The following RALGAPA1 variants were observed in gnomAD, a reference collection of about 807,000 sequenced individuals.
RALGAPA1 encodes the protein Ral GTPase activating protein catalytic subunit alpha 1, also known as ral GTPase-activating protein subunit alpha-1.
RALGAPA1 carries 52 observed loss-of-function variants against 269.6 expected under a neutral mutation model. That is an observed-to-expected ratio of 0.19 (90% CI 0.15 to 0.24). The LOEUF is 0.24. RALGAPA1 is among the 10% of genes least tolerant of loss of function. The pLI is 1.00. For missense variants in RALGAPA1, 1,917 were observed against 3,013.9 expected (o/e 0.64, Z 8.52); for synonymous variants, 817 against 1,008.3 (o/e 0.81, Z 3.60).
chr14:35,600,232 C>CTTTTTTTTTTTTTTTTTTTT (rs71124708), intron 36 of RALGAPA1, among the ~76,000 whole-genome samples: 6 of 86,948 alleles, frequency 6.9e-5, no homozygotes, highest in African/African-American at 2.6e-4. Context: ...TTCTTTTTTT[C>CTTTTTTTTTTTTTTTTTTTT]TTTTTTTTTT....
chr14:35,715,939 T>C (rs1567072314), intron 16 of RALGAPA1: 1 of 985,426 alleles, frequency 1.0e-6, no homozygotes, highest in East Asian at 1.1e-4. Flanking sequence ...TAGAGGTTTC[T>C]CTATTTGCAA....
intron 1 of RALGAPA1, among the ~76,000 whole-genome samples, chr14:35,801,244 GACACACAC>G (rs201700521): frequency 0.023 from 3,166 of 135,078 alleles, 118 homozygotes; most frequent in African/African-American, 0.078. Flanking sequence ...TATATACACA[GACACACAC>G]ACACACACAC....
chr14:35,768,369 A>C (rs910898692), intron 4 of RALGAPA1, among the ~76,000 whole-genome samples: 2 of 152,166 alleles, frequency 1.3e-5, no homozygotes, highest in South Asian at 2.1e-4. Context: ...GGCATGGGGC[A>C]TCATGCCTGC....
chr14:35,715,675 T>G (rs771136676), intron 16 of RALGAPA1: 3 of 974,512 alleles, frequency 3.1e-6, no homozygotes, highest in Non-Finnish European at 3.7e-6. Context: ...AATTTGTGTT[T>G]GCTTGTACAA....
At chr14:35,715,717 C>G in intron 16 of RALGAPA1, 1 of 985,252 alleles carries the variant, frequency 1.0e-6, no homozygotes. Flanking sequence ...CTGAAATTAA[C>G]TTGTATCCTT....
At chr14:35,742,257 A>G (rs2071628046) in intron 11 of RALGAPA1, 111 bp downstream of exon 11, 4 of 849,088 alleles carry the variant, frequency 4.7e-6, no homozygotes, top group Non-Finnish European at 7.4e-6. Flanking sequence ...ACTGAAAGAT[A>G]TCTTTATCTT....
intron 35 of RALGAPA1, among the ~76,000 whole-genome samples, chr14:35,607,006 T>C (rs949347962): frequency 2.2e-4 from 33 of 147,508 alleles, no homozygotes; most frequent in African/African-American, 8.0e-4. Flanking sequence ...AGCAGTAAAA[T>C]ATGATTTGGG....
At chr14:35,786,847 C>A (rs1039858202) in intron 1 of RALGAPA1, among the ~76,000 whole-genome samples, 4 of 151,482 alleles carry the variant, frequency 2.6e-5, no homozygotes, top group Middle Eastern at 3.4e-3. Flanking sequence ...TGTCTTTTTT[C>A]AAAAAAAATC....
intron 11 of RALGAPA1, 103 bp from the exon 12 acceptor site, chr14:35,738,753 C>G: frequency 1.2e-6 from 1 of 849,402 alleles, no homozygotes; most frequent in Non-Finnish European, 1.8e-6. Flanking sequence ...CACTGCTAAA[C>G]AGGTTTCTTT....
chr14:35,667,798 C>T (rs534735978), intron 26 of RALGAPA1, among the ~76,000 whole-genome samples: 18 of 152,266 alleles, frequency 1.2e-4, no homozygotes, highest in African/African-American at 3.6e-4. Flanking sequence ...AGCAATTCCA[C>T]AATTGGATAT....
Position 35,724,884 on chromosome 14 carries a change from G to T in RALGAPA1, c.1866+140C>A, listed in dbSNP as rs897198099. On this transcript the variant is annotated intron_variant, in intron 14 of 41. Coordinates refer to ENST00000680220, the MANE Select transcript of RALGAPA1 (RefSeq NM_001346249.2). ...CTACAAAAGATCCCTTAATAAATAA[G>T]AAATAATCTCTAATTTAAAACTTTT... 8.1e-6 allele frequency: 5 copies of T among 618,224 alleles called. No homozygotes were observed. In the African/African-American group the frequency reaches 9.6e-5, roughly 12 times the overall value. 38.3% of individuals were successfully genotyped at this position (618,224 alleles called of 1,614,324 possible).
intron 16 of RALGAPA1, among the ~76,000 whole-genome samples, chr14:35,719,692 A>T (rs1159938379): frequency 6.6e-6 from 1 of 152,172 alleles, no homozygotes; most frequent in Non-Finnish European, 1.5e-5. Context: ...ATGTACTTTT[A>T]AAAAAAGATT....
intron 16 of RALGAPA1, among the ~76,000 whole-genome samples, chr14:35,702,744 T>C (rs1488654289): frequency 2.2e-5 from 3 of 136,748 alleles, no homozygotes; most frequent in African/African-American, 5.7e-5. Flanking sequence ...TATATATACA[T>C]TTTTTTTTTT....
chr14:35,540,946 A>ATGTT (rs2053910570), intron 41 of RALGAPA1, among the ~76,000 whole-genome samples: 1 of 152,102 alleles, frequency 6.6e-6, no homozygotes, highest in African/African-American at 2.4e-5. Flanking sequence ...AAGTTACTGA[A>ATGTT]TGTTTATAAA....
In RALGAPA1 at chr14:35,750,470, T is replaced by C. The variant is rs1163596505; in HGVS notation, c.1011+12A>G. 3 of 1,609,398 alleles carry C rather than the reference T, an allele frequency of 1.9e-6. No homozygotes were observed. The highest frequency in any genetic ancestry group is 2.2e-5 in the East Asian group (1 of 44,724). Reference sequence around the variant, plus strand: ...TTCTAACTTTAACAGGCCTGCCTCATTTGTGCATTACCTGAATATTCTTTG... The same window carrying C: ...TTCTAACTTTAACAGGCCTGCCTCACTTGTGCATTACCTGAATATTCTTTG... On this transcript the variant is annotated intron_variant, in intron 9 of 41. Coordinates refer to ENST00000680220, the MANE Select transcript of RALGAPA1 (RefSeq NM_001346249.2).
chr14:35,645,727 C>A (rs986887870), intron 31 of RALGAPA1, among the ~76,000 whole-genome samples: 1 of 132,520 alleles, frequency 7.5e-6, no homozygotes, highest in Non-Finnish European at 1.5e-5. Flanking sequence ...GAGACTCCAT[C>A]TCCAAAAAAA....
chr14:35,806,640 G>A (rs1475496387), intron 1 of RALGAPA1, among the ~76,000 whole-genome samples: 1 of 152,092 alleles, frequency 6.6e-6, no homozygotes, highest in Non-Finnish European at 1.5e-5. Flanking sequence ...TGAGTGAATG[G>A]CAGTTCTGTT....
intron 35 of RALGAPA1, among the ~76,000 whole-genome samples, chr14:35,608,905 AT>A (rs1359010974): frequency 6.6e-6 from 1 of 152,218 alleles, no homozygotes; most frequent in Non-Finnish European, 1.5e-5. Flanking sequence ...TCTCAAGCAT[AT>A]GTGAAACAAC....
In RALGAPA1 at chr14:35,721,767, TG is replaced by T. The variant is rs2069435239; in HGVS notation, c.2186del (p.Pro729GlnfsTer2). 1 of 1,613,150 alleles carries T rather than the reference TG, an allele frequency of 6.2e-7. No individual in the cohort carries two copies. Among genetic ancestry groups the T allele is most frequent in the Admixed American group, 1.7e-5 (1 of 59,998 alleles). On this transcript the variant is annotated frameshift_variant, in exon 16 of 42. Transcript: ENST00000680220. LOFTEE classifies it high-confidence loss of function. ...GWSRDQPGQAPMRQRSATTTG... is the reference protein window; with the variant it reads ...GWSRDQPGQAXMRQRSATTTG... ...TGGTTGTTGCACTCCTCTGTCTCAT[TG>T]GGGCTTGGCCAGGCTGATCACGACT...
Sources: gnomAD v4.1 joint callset for allele counts (sites outside exome capture counted in the v4.1 genomes callset) on GRCh38, gnomAD v4.1.1 for gene constraint, MANE v1.5 for transcripts, NCBI Gene and HGNC (gene_info 2026-07-23, HGNC 2026-07-21) for gene names.